Variants in ATRNL1 observed in about 807,000 individuals in gnomAD.
ATRNL1 encodes attractin like 1.
ATRNL1 carries 95 observed loss-of-function variants against 182.7 expected under a neutral mutation model. The ratio of observed to expected loss-of-function variants is 0.52; its 90% CI spans 0.44 to 0.62. The LOEUF (loss-of-function observed/expected upper bound fraction) is 0.62, where lower values mean the gene tolerates loss of function less well. Ranked by LOEUF, ATRNL1 falls within the 20% of genes least tolerant of loss-of-function variation. The pLI is 0.00. For synonymous variants in ATRNL1, 576 were observed against 568.3 expected (o/e 1.01, Z -0.19); for missense variants, 1,471 against 1,679.5 (o/e 0.88, Z 2.17).
At chr10:115,866,867 G>A (rs979174840) in intron 28 of ATRNL1, among the ~76,000 whole-genome samples, 18 of 152,214 alleles carry the variant, frequency 1.2e-4, no homozygotes, top group African/African-American at 4.1e-4. Context: ...AGGCTTCACC[G>A]CTGCTGATGC....
chr10:115,868,765 T>A (rs1345450673), intron 28 of ATRNL1, among the ~76,000 whole-genome samples: 1 of 151,148 alleles, frequency 6.6e-6, no homozygotes, highest in Non-Finnish European at 1.5e-5. Context: ...TCCTTTTAAA[T>A]TGTTTTCAAA....
rs557147353 is a variant in ATRNL1 at position 115,534,619 on chromosome 10, A to G, written c.3717-14839A>G. Among the ~76,000 whole-genome samples the G allele has an allele frequency of 4.6e-5, 7 of 152,054 alleles. No homozygotes were observed. The South Asian group carries it at 1.0e-3, about 23-fold the overall frequency. ...TAGTCCATTTACATTTAAACTTAAT[A>G]TTGTTATGTGTGAATTTGATCCTGT... On this transcript the variant is annotated intron_variant, in intron 25 of 28. Transcript: ENST00000355044.
At chr10:115,270,192 G>A (rs1320922993) in intron 13 of ATRNL1, among the ~76,000 whole-genome samples, 1 of 147,086 alleles carries the variant, frequency 6.8e-6, no homozygotes, top group African/African-American at 2.5e-5. Flanking sequence ...CAGAGAAACA[G>A]AATCTGTCTA....
chr10:115,400,161 A>G (rs1174277292), intron 20 of ATRNL1, among the ~76,000 whole-genome samples: 1 of 152,048 alleles, frequency 6.6e-6, no homozygotes, highest in East Asian at 1.9e-4. Context: ...TGTGGCCAAA[A>G]CTCATATGAA....
At chr10:115,670,084 T>C (rs1308158135) in intron 26 of ATRNL1, among the ~76,000 whole-genome samples, 5 of 152,080 alleles carry the variant, frequency 3.3e-5, no homozygotes, top group African/African-American at 1.2e-4. Flanking sequence ...GCCAGAGAAC[T>C]GGGTTTTACA....
chr10:115,538,403 G>A (rs1554991085), intron 25 of ATRNL1, among the ~76,000 whole-genome samples: 1 of 152,166 alleles, frequency 6.6e-6, no homozygotes, highest in Non-Finnish European at 1.5e-5. Flanking sequence ...TAAATGTGTA[G>A]TGGTATCTTG....
chr10:115,572,230 T>A (rs971224269), intron 26 of ATRNL1, among the ~76,000 whole-genome samples: 1 of 152,112 alleles, frequency 6.6e-6, no homozygotes, highest in African/African-American at 2.4e-5. Flanking sequence ...AAGAAAGTCA[T>A]AGCTCTGGCT....
At chr10:115,289,169 A>G (rs971609173) in intron 15 of ATRNL1, among the ~76,000 whole-genome samples, 1 of 152,036 alleles carries the variant, frequency 6.6e-6, no homozygotes, top group Non-Finnish European at 1.5e-5. Flanking sequence ...TCTTTTTAAA[A>G]CCATCAGATC....
chr10:115,690,966 G>C (rs1555047995), intron 26 of ATRNL1, among the ~76,000 whole-genome samples: 1 of 152,112 alleles, frequency 6.6e-6, no homozygotes, highest in Non-Finnish European at 1.5e-5. Context: ...GCCCCTTGGG[G>C]CTCCCAAGCC....
At chr10:115,545,395 AT>A (rs1554993410) in intron 25 of ATRNL1, among the ~76,000 whole-genome samples, 1 of 152,028 alleles carries the variant, frequency 6.6e-6, no homozygotes, top group African/African-American at 2.4e-5. Context: ...CTGTTTATTG[AT>A]TTTAGTAGCC....
At chr10:115,408,919 A>G (rs1241094370) in intron 20 of ATRNL1, among the ~76,000 whole-genome samples, 2 of 152,024 alleles carry the variant, frequency 1.3e-5, no homozygotes, top group Admixed American at 6.5e-5. Flanking sequence ...ATTATGTTTC[A>G]TTGATCTATG....
intron 26 of ATRNL1, among the ~76,000 whole-genome samples, chr10:115,581,604 A>C (rs918036135): frequency 4.6e-5 from 7 of 152,188 alleles, no homozygotes; most frequent in African/African-American, 1.7e-4. Flanking sequence ...TATGTATAAT[A>C]ATTTCAAACT....
chr10:115,455,647 A>C (rs1488723463), intron 21 of ATRNL1, among the ~76,000 whole-genome samples: 1 of 152,204 alleles, frequency 6.6e-6, no homozygotes, highest in East Asian at 1.9e-4. Context: ...GATCTAATTA[A>C]ACCAAAGAGC....
chr10:115,124,267 T>C (rs1399415360), intron 3 of ATRNL1, among the ~76,000 whole-genome samples: 1 of 152,146 alleles, frequency 6.6e-6, no homozygotes, highest in Non-Finnish European at 1.5e-5. Context: ...GTTCCTACTC[T>C]GTCCTAAAAG....
At chr10:115,121,114 A>G (rs1359069714) in intron 2 of ATRNL1, among the ~76,000 whole-genome samples, 2 of 151,386 alleles carry the variant, frequency 1.3e-5, no homozygotes, top group Non-Finnish European at 2.9e-5. Context: ...CAATCAAGAG[A>G]AAGATTTTTT....
chr10:115,302,982 A>G (rs1853552557), intron 17 of ATRNL1, among the ~76,000 whole-genome samples: 1 of 138,732 alleles, frequency 7.2e-6, no homozygotes, highest in East Asian at 1.9e-4. Flanking sequence ...ATTAATTGGT[A>G]TGTTCAGATT....
chr10:115,151,398 T>C (rs1436500207), intron 5 of ATRNL1, among the ~76,000 whole-genome samples: 1 of 152,226 alleles, frequency 6.6e-6, no homozygotes, highest in Non-Finnish European at 1.5e-5. Context: ...TTCCTGACTT[T>C]TTAATGATCG....
rs539864444 is a variant in ATRNL1, at chr10:115,261,960, T to C, written c.1688-3233T>C. Among the ~76,000 whole-genome samples, 54 of 152,176 alleles carry C rather than the reference T, an allele frequency of 3.5e-4. No individual in the cohort carries two copies. In the South Asian group the frequency reaches 0.011, roughly 31 times the overall value. ...ATAGAGAATGGAGGGAGAGGAAATA[T>C]GCGTGTGTAAGTCTGTGTAAGAGCT... On this transcript the variant is annotated intron_variant, in intron 10 of 28. Coordinates refer to ENST00000355044, the MANE Select transcript of ATRNL1 (RefSeq NM_207303.4).
At chr10:115,482,831 A>G (rs570181662) in intron 24 of ATRNL1, among the ~76,000 whole-genome samples, 1 of 151,372 alleles carries the variant, frequency 6.6e-6, no homozygotes, top group African/African-American at 2.4e-5. Flanking sequence ...TAGGCATAAA[A>G]GAAGTTAGAG....
Sources: gnomAD v4.1 joint callset for allele counts (sites outside exome capture counted in the v4.1 genomes callset) on GRCh38, gnomAD v4.1.1 for gene constraint, MANE v1.5 for transcripts, NCBI Gene and HGNC (gene_info 2026-07-23, HGNC 2026-07-21) for gene names.